UGT2B7: variants seen among roughly 807,000 people sequenced by gnomAD.
UGT2B7 encodes UDP-glucuronosyltransferase 2B7.
Under a neutral mutation model 51.9 loss-of-function variants are expected in UGT2B7, and 51 were observed. That is an observed-to-expected ratio of 0.98 (90% CI 0.78 to 1.24). The LOEUF is 1.24. UGT2B7 is among the 50% of genes most tolerant of loss of function. The pLI, the probability that UGT2B7 is intolerant of heterozygous loss-of-function variation, is 0.00. For missense variants in UGT2B7, 727 were observed against 628.4 expected, an observed-to-expected ratio of 1.16 and a Z score of -1.68; for synonymous variants, 225 against 211.6, an observed-to-expected ratio of 1.06 and a Z score of -0.55.
intron 3 of UGT2B7, among the ~76,000 whole-genome samples, chr4:69,106,129 T>C (rs1260176813): frequency 6.6e-6 from 1 of 152,174 alleles, no homozygotes; most frequent in Non-Finnish European, 1.5e-5. Context: ...TATTTTAAGT[T>C]CAAGGGGACA....
At chr4:69,107,343 T>C (rs1328249931) in intron 4 of UGT2B7, 81 bp downstream of exon 4, 4 of 1,411,444 alleles carry the variant, frequency 2.8e-6, no homozygotes, top group South Asian at 2.7e-5. Flanking sequence ...AACAAGCTTA[T>C]TGAATATTTG....
intron 1 of UGT2B7, among the ~76,000 whole-genome samples, chr4:69,085,144 T>C (rs1376406147): frequency 2.0e-5 from 3 of 152,198 alleles, no homozygotes; most frequent in African/African-American, 7.2e-5. Context: ...GTTTCCTCAC[T>C]TTTTAATGAC....
rs10030478 is a variant in UGT2B7 at position 69,077,156 on chromosome 4, C to T, written c.-158-12316C>T. On this transcript the variant is annotated intron_variant, in intron 1 of 5. Transcript: ENST00000502942. Reference sequence around the variant, plus strand: ...TTGGTCTATATATCTGTTTTGGTACCAGTACCATGCTGTTTTGGTTACTGT... The same window carrying T: ...TTGGTCTATATATCTGTTTTGGTACTAGTACCATGCTGTTTTGGTTACTGT... 7.6e-3 allele frequency among the ~76,000 whole-genome samples: 1,161 copies of T among 152,116 alleles called. 17 individuals are homozygous for T. The highest frequency in any genetic ancestry group is 0.025 in the African/African-American group (1,054 of 41,494).
chr4:69,098,437 A>G (rs1577922133), intron 1 of UGT2B7, 103 bp from the exon 2 acceptor site: 2 of 1,344,984 alleles, frequency 1.5e-6, no homozygotes, highest in South Asian at 2.9e-5. Flanking sequence ...CAAAGCACAG[A>G]TATTTGCCTA....
chr4:69,087,780 ATTTAT>A (rs1270414193), intron 1 of UGT2B7, among the ~76,000 whole-genome samples: 5 of 151,500 alleles, frequency 3.3e-5, no homozygotes, highest in Non-Finnish European at 5.9e-5. Context: ...AAGTTGATTT[ATTTAT>A]TTTATTTTTT....
intron 1 of UGT2B7, among the ~76,000 whole-genome samples, chr4:69,069,412 G>A (rs997237624): frequency 2.0e-5 from 3 of 151,556 alleles, no homozygotes; most frequent in East Asian, 1.9e-4. Flanking sequence ...CAATTTCTAG[G>A]CTACAAACAC....
At chr4:69,072,481 T>C (rs777531397) in intron 1 of UGT2B7, among the ~76,000 whole-genome samples, 2 of 152,206 alleles carry the variant, frequency 1.3e-5, no homozygotes, top group Admixed American at 6.6e-5. Flanking sequence ...AAATGCTTTA[T>C]GTATAAGTTT....
intron 1 of UGT2B7, among the ~76,000 whole-genome samples, chr4:69,063,916 C>A (rs536514637): frequency 6.6e-6 from 1 of 151,716 alleles, no homozygotes; most frequent in African/African-American, 2.4e-5. Flanking sequence ...AGTATCAACC[C>A]GTACCAAACA....
At chr4:69,056,396 G>T (rs531646834) in intron 1 of UGT2B7, among the ~76,000 whole-genome samples, 2 of 152,276 alleles carry the variant, frequency 1.3e-5, no homozygotes, top group East Asian at 1.9e-4. Context: ...TGAGAAATGC[G>T]ATCTATCAAA....
At chr4:69,074,550 T>C (rs1295304188) in intron 1 of UGT2B7, among the ~76,000 whole-genome samples, 1 of 151,852 alleles carries the variant, frequency 6.6e-6, no homozygotes, top group East Asian at 1.9e-4. Context: ...ATGGTTTTCT[T>C]GAGGAAATCT....
chr4:69,077,294 G>A (rs1406781845), intron 1 of UGT2B7, among the ~76,000 whole-genome samples: 1 of 95,198 alleles, frequency 1.1e-5, no homozygotes, highest in Non-Finnish European at 1.9e-5. Context: ...GAAGTTTAAA[G>A]TATTTTTTTT....
chr4:69,075,936 C>A (rs984170758), intron 1 of UGT2B7, among the ~76,000 whole-genome samples: 3 of 152,026 alleles, frequency 2.0e-5, no homozygotes, highest in African/African-American at 7.2e-5. Context: ...CCTAGCCCCC[C>A]TCCCCATAAC....
chr4:69,061,465 C>G (rs927029244), intron 1 of UGT2B7, among the ~76,000 whole-genome samples: 1 of 152,184 alleles, frequency 6.6e-6, no homozygotes, highest in Non-Finnish European at 1.5e-5. Flanking sequence ...AAAGAAGAAG[C>G]CTTAGCTATG....
At chr4:69,107,327 T>C in intron 4 of UGT2B7, 65 bp downstream of exon 4, 1 of 1,450,280 alleles carries the variant, frequency 6.9e-7, no homozygotes, top group East Asian at 2.4e-5. Context: ...TAATAGTTCA[T>C]CATGAAACAA....
chr4:69,102,566 GCA>G (rs1043608949), intron 2 of UGT2B7, among the ~76,000 whole-genome samples: 1 of 151,912 alleles, frequency 6.6e-6, no homozygotes, highest in Non-Finnish European at 1.5e-5. Flanking sequence ...TTACACACAT[GCA>G]CACAAATACA....
At chr4:69,090,006 T>A (rs560293386) in intron 2 of UGT2B7, among the ~76,000 whole-genome samples, 1 of 152,250 alleles carries the variant, frequency 6.6e-6, no homozygotes, top group East Asian at 1.9e-4. Flanking sequence ...CCCAAGAATA[T>A]CCTCAACATA....
At chr4:69,099,259 A>G (rs1189118816) in intron 2 of UGT2B7, among the ~76,000 whole-genome samples, 3 of 30,408 alleles carry the variant, frequency 9.9e-5, no homozygotes, top group South Asian at 1.1e-3. Context: ...GAGACAGACA[A>G]AAAAAAAAAA....
At chr4:69,061,492 T>C (rs372211101) in intron 1 of UGT2B7, among the ~76,000 whole-genome samples, 1 of 152,102 alleles carries the variant, frequency 6.6e-6, no homozygotes. Flanking sequence ...CTCCTGGAGA[T>C]TCCCCTTCCA....
intron 1 of UGT2B7, among the ~76,000 whole-genome samples, chr4:69,063,309 A>C (rs1408188087): frequency 9.4e-6 from 1 of 106,790 alleles, no homozygotes; most frequent in Non-Finnish European, 1.8e-5. Context: ...ACAGAGCGAG[A>C]CTCCGTCTCA....
Sources: allele counts gnomAD v4.1 joint callset (sites outside exome capture counted in the v4.1 genomes callset), GRCh38; gene constraint gnomAD v4.1.1; transcripts MANE v1.5; gene names NCBI Gene and HGNC (gene_info 2026-07-23, HGNC 2026-07-21).